EFNA5: variants seen among roughly 807,000 people sequenced by gnomAD.
EFNA5 encodes the protein ephrin A5.
EFNA5 carries 5 observed loss-of-function variants against 22.9 expected under a neutral mutation model. That is an observed-to-expected ratio of 0.22 (90% CI 0.11 to 0.46). The LOEUF is 0.46. Ranked by LOEUF, EFNA5 falls within the 20% of genes least tolerant of loss-of-function variation. The pLI, the probability that EFNA5 is intolerant of heterozygous loss-of-function variation, is 0.99. For synonymous variants in EFNA5, 113 were observed against 112.2 expected (o/e 1.01, Z -0.04); for missense variants, 237 against 293.3 (o/e 0.81, Z 1.40).
intron 1 of EFNA5, among the ~76,000 whole-genome samples, chr5:107,520,451 C>G (rs1387343094): frequency 6.6e-6 from 1 of 152,182 alleles, no homozygotes; most frequent in Non-Finnish European, 1.5e-5. Context: ...AAAGCATGAT[C>G]TTGGTTATCT....
At chr5:107,496,186 A>T (rs1746977237) in intron 1 of EFNA5, among the ~76,000 whole-genome samples, 1 of 147,596 alleles carries the variant, frequency 6.8e-6, no homozygotes, top group South Asian at 2.2e-4. Context: ...AAAAAAAAAA[A>T]ATACATAAAT....
At chr5:107,392,930 C>G (rs1747827998) in intron 2 of EFNA5, among the ~76,000 whole-genome samples, 2 of 152,218 alleles carry the variant, frequency 1.3e-5, no homozygotes, top group Admixed American at 6.5e-5. Context: ...AGAAATACAA[C>G]AAGACATATC....
At chr5:107,449,429 CT>C (rs1180216749) in intron 1 of EFNA5, among the ~76,000 whole-genome samples, 1 of 151,802 alleles carries the variant, frequency 6.6e-6, no homozygotes, top group African/African-American at 2.4e-5. Flanking sequence ...ACTAGGGACA[CT>C]TTAGGTGATG....
intron 1 of EFNA5, among the ~76,000 whole-genome samples, chr5:107,507,324 T>A (rs1490848754): frequency 6.6e-6 from 1 of 152,224 alleles, no homozygotes; most frequent in African/African-American, 2.4e-5. Flanking sequence ...GCTTTGCCTC[T>A]GCTGTTTTTC....
At chr5:107,392,224 T>A (rs953423383) in intron 2 of EFNA5, among the ~76,000 whole-genome samples, 6 of 152,122 alleles carry the variant, frequency 3.9e-5, no homozygotes, top group Non-Finnish European at 5.9e-5. Flanking sequence ...GTCCTTTGTA[T>A]AATCCCCTCC....
intron 2 of EFNA5, among the ~76,000 whole-genome samples, chr5:107,397,039 A>C (rs939567415): frequency 6.6e-6 from 1 of 152,064 alleles, no homozygotes; most frequent in Non-Finnish European, 1.5e-5. Flanking sequence ...ATACCAGTCC[A>C]TGGATATTGT....
intron 1 of EFNA5, among the ~76,000 whole-genome samples, chr5:107,451,446 G>A (rs1468453382): frequency 6.6e-6 from 1 of 152,104 alleles, no homozygotes; most frequent in African/African-American, 2.4e-5. Context: ...GACTCAATCA[G>A]TATTTCTAAA....
At chr5:107,568,641 T>C (rs1014138551) in intron 1 of EFNA5, among the ~76,000 whole-genome samples, 2 of 152,192 alleles carry the variant, frequency 1.3e-5, no homozygotes, top group African/African-American at 4.8e-5. Flanking sequence ...AGGCTAGACA[T>C]AGACATAGAC....
At chr5:107,652,710 T>C (rs1473807069) in intron 1 of EFNA5, among the ~76,000 whole-genome samples, 1 of 152,180 alleles carries the variant, frequency 6.6e-6, no homozygotes, top group African/African-American at 2.4e-5. Flanking sequence ...ATAATTTCTT[T>C]TTAAGGATGT....
At chr5:107,418,843 T>G (rs1041833404) in intron 2 of EFNA5, among the ~76,000 whole-genome samples, 2 of 152,208 alleles carry the variant, frequency 1.3e-5, no homozygotes, top group Admixed American at 6.5e-5. Context: ...CTATTTTCCT[T>G]TTTCACAGAC....
chr5:107,492,780 T>C (rs1051279246), intron 1 of EFNA5, among the ~76,000 whole-genome samples: 8 of 152,078 alleles, frequency 5.3e-5, no homozygotes, highest in African/African-American at 1.9e-4. Flanking sequence ...GGGCGGATCA[T>C]CTGAGGTCAG....
At chr5:107,546,686 ACT>A (rs58179742) in intron 1 of EFNA5, among the ~76,000 whole-genome samples, 54,510 of 142,276 alleles carry the variant, frequency 0.38, 9,823 homozygotes, top group East Asian at 0.56. Flanking sequence ...ACACACACAC[ACT>A]CTCACCCCTG....
chr5:107,431,453 T>C (rs765423731), intron 1 of EFNA5, among the ~76,000 whole-genome samples: 6 of 152,212 alleles, frequency 3.9e-5, no homozygotes, highest in South Asian at 2.1e-4. Flanking sequence ...GAGTGCTTAT[T>C]ATGTTACATT....
At chr5:107,506,850 C>G (rs1747263343) in intron 1 of EFNA5, among the ~76,000 whole-genome samples, 1 of 152,126 alleles carries the variant, frequency 6.6e-6, no homozygotes. Flanking sequence ...ACATTCACCA[C>G]CTGCTGAAAA....
At chr5:107,631,595 T>C (rs1033248693) in intron 1 of EFNA5, among the ~76,000 whole-genome samples, 1 of 152,268 alleles carries the variant, frequency 6.6e-6, no homozygotes, top group Admixed American at 6.5e-5. Flanking sequence ...AATTTCTTTA[T>C]ATAATTGTAT....
intron 4 of EFNA5, among the ~76,000 whole-genome samples, chr5:107,383,521 CTG>C (rs1747525266): frequency 6.6e-6 from 1 of 152,204 alleles, no homozygotes; most frequent in Admixed American, 6.5e-5. Context: ...TCAGGCTTAA[CTG>C]TGAAATAACC....
At chr5:107,448,366 T>C (rs747049038) in intron 1 of EFNA5, among the ~76,000 whole-genome samples, 3 of 152,210 alleles carry the variant, frequency 2.0e-5, no homozygotes, top group Non-Finnish European at 4.4e-5. Flanking sequence ...TATTGAATGC[T>C]AGATACTGGC....
At chr5:107,460,919 A>C (rs1218620362) in intron 1 of EFNA5, among the ~76,000 whole-genome samples, 2 of 152,166 alleles carry the variant, frequency 1.3e-5, no homozygotes, top group African/African-American at 4.8e-5. Context: ...TCAATGAGAA[A>C]AACAAAAGGA....
intron 2 of EFNA5, among the ~76,000 whole-genome samples, chr5:107,419,246 T>C (rs1748590620): frequency 6.6e-6 from 1 of 152,256 alleles, no homozygotes; most frequent in Non-Finnish European, 1.5e-5. Context: ...ATGTTCTTTA[T>C]TTAACCTTCA....
Sources: gnomAD v4.1 joint callset for allele counts (sites outside exome capture counted in the v4.1 genomes callset) on GRCh38, gnomAD v4.1.1 for gene constraint, MANE v1.5 for transcripts, NCBI Gene and HGNC (gene_info 2026-07-23, HGNC 2026-07-21) for gene names.